DCUN1D4: variants seen among roughly 807,000 people sequenced by gnomAD.
DCUN1D4 encodes the protein DCN1-like protein 4.
Under a neutral mutation model 47.9 loss-of-function variants are expected in DCUN1D4, and 22 were observed. The ratio of observed to expected loss-of-function variants is 0.46; its 90% CI spans 0.33 to 0.66. The LOEUF (loss-of-function observed/expected upper bound fraction) is 0.66, where lower values mean the gene tolerates loss of function less well. Ranked by LOEUF, DCUN1D4 falls within the 30% of genes least tolerant of loss-of-function variation. DCUN1D4 has a pLI of 0.02. For synonymous variants in DCUN1D4, 121 were observed against 112.2 expected (o/e 1.08, Z -0.50); for missense variants, 301 against 340.8 (o/e 0.88, Z 0.92).
chr4:51,862,741 G>A (rs1387844356), intron 1 of DCUN1D4, among the ~76,000 whole-genome samples: 1 of 151,968 alleles, frequency 6.6e-6, no homozygotes, highest in Non-Finnish European at 1.5e-5. Context: ...GCGCGTAGTG[G>A]CCCACACCTT....
intron 1 of DCUN1D4, among the ~76,000 whole-genome samples, chr4:51,857,209 T>C (rs1356973335): frequency 3.3e-5 from 5 of 152,170 alleles, no homozygotes; most frequent in Non-Finnish European, 7.3e-5. Flanking sequence ...TTTATTTTTT[T>C]TGACCAAATG....
chr4:51,840,428 G>T (rs1721599796), upstream of DCUN1D4, among the ~76,000 whole-genome samples: 1 of 152,212 alleles, frequency 6.6e-6, no homozygotes, highest in African/African-American at 2.4e-5. Flanking sequence ...TTGAAGCTTT[G>T]ATATTAGACA....
At chr4:51,858,125 GAATTTTATCCTTAATT>G (rs1455215496) in intron 1 of DCUN1D4, among the ~76,000 whole-genome samples, 1 of 152,152 alleles carries the variant, frequency 6.6e-6, no homozygotes, top group African/African-American at 2.4e-5. Context: ...TGATTTTTAA[GAATTTTATCCTTAATT>G]GACAAATAAT....
At chr4:51,886,740 T>A in intron 6 of DCUN1D4, 102 bp downstream of exon 6, 1 of 949,334 alleles carries the variant, frequency 1.1e-6, no homozygotes, top group Non-Finnish European at 1.6e-6. Context: ...TAGTGGTATG[T>A]TAGTTTTTAT....
intron 1 of DCUN1D4, chr4:51,845,222 T>G (rs959509825): frequency 8.1e-6 from 8 of 985,346 alleles, no homozygotes; most frequent in African/African-American, 1.7e-5. Context: ...TTCCCTTGCA[T>G]AAATATGAGA....
At chr4:51,887,018 T>G (rs138839748) in intron 6 of DCUN1D4, 70 of 448,622 alleles carry the variant, frequency 1.6e-4, no homozygotes, top group African/African-American at 1.3e-3. Context: ...GGACTTATAA[T>G]TATTCATCAT....
intron 1 of DCUN1D4, among the ~76,000 whole-genome samples, chr4:51,844,667 C>A (rs899210245): frequency 2.0e-5 from 3 of 151,454 alleles, no homozygotes; most frequent in African/African-American, 7.3e-5. Context: ...CGCCCCACGC[C>A]CGGGGGGCGC....
the DCUN1D4 span, among the ~76,000 whole-genome samples, chr4:51,833,960 G>T: frequency 0.045 from 6,895 of 151,624 alleles, 540 homozygotes; most frequent in African/African-American, 0.16. Flanking sequence ...AGAGTAGAAG[G>T]GGGGAGATTT....
intron 4 of DCUN1D4, among the ~76,000 whole-genome samples, chr4:51,876,425 G>T (rs948363433): frequency 5.3e-5 from 8 of 152,024 alleles, no homozygotes; most frequent in Admixed American, 5.2e-4. Context: ...GTTGTGGGGT[G>T]GGGGTAGGAG....
intron 5 of DCUN1D4, among the ~76,000 whole-genome samples, chr4:51,879,409 C>T (rs1444040957): frequency 2.0e-5 from 3 of 152,152 alleles, no homozygotes; most frequent in Non-Finnish European, 4.4e-5. Flanking sequence ...GAGTTCCAGA[C>T]CAGCCTGGGC....
At chr4:51,843,759 C>T (rs1434846874) in intron 1 of DCUN1D4, 229 of 941,450 alleles carry the variant, frequency 2.4e-4, no homozygotes, top group Non-Finnish European at 1.9e-4. Context: ...GCGAGGGGGG[C>T]GCGGGGGCGG....
chr4:51,891,162 A>T (rs1275098245), intron 6 of DCUN1D4, among the ~76,000 whole-genome samples: 1 of 152,232 alleles, frequency 6.6e-6, no homozygotes, highest in Non-Finnish European at 1.5e-5. Flanking sequence ...CCACCTTGTT[A>T]TGTTTTAATA....
chr4:51,890,677 A>G (rs1730282513), intron 6 of DCUN1D4, among the ~76,000 whole-genome samples: 1 of 152,114 alleles, frequency 6.6e-6, no homozygotes, highest in East Asian at 1.9e-4. Flanking sequence ...CACCTCTTCT[A>G]GGATCTTTGA....
At chr4:51,867,823 C>T (rs1560472298) in intron 3 of DCUN1D4, among the ~76,000 whole-genome samples, 2 of 152,222 alleles carry the variant, frequency 1.3e-5, no homozygotes, top group East Asian at 1.9e-4. Flanking sequence ...GGGGATTTAC[C>T]GGGGACCCAC....
chr4:51,840,782 C>G (rs183821883), upstream of DCUN1D4, among the ~76,000 whole-genome samples: 5 of 152,252 alleles, frequency 3.3e-5, no homozygotes, highest in East Asian at 7.7e-4. Flanking sequence ...ATTTGCAGAG[C>G]ATTATGTAGT....
intron 8 of DCUN1D4, among the ~76,000 whole-genome samples, chr4:51,910,388 C>G (rs1306111918): frequency 6.6e-6 from 1 of 152,088 alleles, no homozygotes; most frequent in Admixed American, 6.5e-5. Context: ...TTGTCTTTCA[C>G]TTGGTTACTA....
intron 7 of DCUN1D4, among the ~76,000 whole-genome samples, chr4:51,896,777 C>T (rs1731328137): frequency 6.6e-6 from 1 of 152,110 alleles, no homozygotes; most frequent in Non-Finnish European, 1.5e-5. Flanking sequence ...CCCACCAGTC[C>T]TTCTCCATGG....
intron 6 of DCUN1D4, among the ~76,000 whole-genome samples, chr4:51,887,498 T>A (rs1729696798): frequency 6.6e-6 from 1 of 152,234 alleles, no homozygotes; most frequent in Non-Finnish European, 1.5e-5. Context: ...AGCATGTTAT[T>A]GTTGAATATT....
chr4:51,859,355 C>T (rs150654364), intron 1 of DCUN1D4, among the ~76,000 whole-genome samples: 2 of 151,980 alleles, frequency 1.3e-5, no homozygotes, highest in African/African-American at 4.8e-5. Context: ...TTATATTTTG[C>T]AAGTGACTAT....
Sources: allele counts gnomAD v4.1 joint callset (sites outside exome capture counted in the v4.1 genomes callset), GRCh38; gene constraint gnomAD v4.1.1; transcripts MANE v1.5; gene names NCBI Gene and HGNC (gene_info 2026-07-23, HGNC 2026-07-21).